Variants in PRKN observed in about 807,000 individuals in gnomAD.
PRKN encodes the protein parkin RBR E3 ubiquitin protein ligase.
A neutral mutation model predicts 59.5 loss-of-function variants in PRKN; 56 were observed. The observed-to-expected ratio is 0.94, with a 90% CI of 0.76 to 1.18. The LOEUF is 1.18. PRKN is among the 50% of genes most tolerant of loss of function. The pLI, the probability that PRKN is intolerant of heterozygous loss-of-function variation, is 0.00. For synonymous variants in PRKN, 250 were observed against 222.1 expected (o/e 1.13, Z -1.12); for missense variants, 657 against 596.4 (o/e 1.10, Z -1.06).
intron 3 of PRKN, among the ~76,000 whole-genome samples, chr6:162,205,962 C>G (rs949026332): frequency 1.3e-5 from 2 of 152,068 alleles, no homozygotes; most frequent in African/African-American, 4.8e-5. Context: ...ACTGACAACG[C>G]GGAGACTCAC....
chr6:161,521,782 C>A (rs1391691838), intron 9 of PRKN, among the ~76,000 whole-genome samples: 1 of 152,122 alleles, frequency 6.6e-6, no homozygotes, highest in Non-Finnish European at 1.5e-5. Flanking sequence ...GGGCCATAAA[C>A]AGCTTTCCCG....
chr6:162,257,043 A>G (rs923937333), intron 3 of PRKN, among the ~76,000 whole-genome samples: 3 of 152,222 alleles, frequency 2.0e-5, no homozygotes, highest in Non-Finnish European at 4.4e-5. Flanking sequence ...CAAAAGCACA[A>G]GGTAGACGGG....
chr6:162,133,230 G>A (rs1372905235), intron 4 of PRKN, among the ~76,000 whole-genome samples: 2 of 152,312 alleles, frequency 1.3e-5, no homozygotes, highest in East Asian at 3.9e-4. Flanking sequence ...CACCATGAGG[G>A]ATGATGGTGT....
chr6:161,366,294 G>A (rs1274375601), intron 10 of PRKN, among the ~76,000 whole-genome samples: 1 of 152,154 alleles, frequency 6.6e-6, no homozygotes, highest in Non-Finnish European at 1.5e-5. Context: ...GCCATGGGCA[G>A]CAGCGTGGGT....
chr6:162,610,726 A>G (rs1230383762), intron 1 of PRKN, among the ~76,000 whole-genome samples: 1 of 152,196 alleles, frequency 6.6e-6, no homozygotes, highest in African/African-American at 2.4e-5. Context: ...CTAGATTAGC[A>G]ATATTTCATG....
chr6:162,614,412 G>A (rs1782318748), intron 1 of PRKN, among the ~76,000 whole-genome samples: 1 of 151,980 alleles, frequency 6.6e-6, no homozygotes, highest in African/African-American at 2.4e-5. Flanking sequence ...TATTTTCATT[G>A]CCCTTGTAAA....
At chr6:161,465,217 T>C (rs1790406798) in intron 9 of PRKN, among the ~76,000 whole-genome samples, 1 of 152,216 alleles carries the variant, frequency 6.6e-6, no homozygotes, top group South Asian at 2.1e-4. Flanking sequence ...CTAGTTCTTT[T>C]TGAAAGGCGA....
At chr6:161,838,964 G>T (rs1311688851) in intron 6 of PRKN, among the ~76,000 whole-genome samples, 1 of 152,186 alleles carries the variant, frequency 6.6e-6, no homozygotes. Context: ...CCACCCAGGA[G>T]CCAATGTGTC....
intron 6 of PRKN, among the ~76,000 whole-genome samples, chr6:161,945,678 C>T (rs915944608): frequency 2.0e-5 from 3 of 152,202 alleles, no homozygotes; most frequent in Admixed American, 1.3e-4. Context: ...GATCTTTGCT[C>T]ATTCTTCACC....
Position 161,935,171 on chromosome 6 carries a change from C to T in PRKN, c.734+38131G>A, listed in dbSNP as rs370735914. Among the ~76,000 whole-genome samples the T allele has an allele frequency of 9.7e-4, 147 of 152,232 alleles. 1 individual carries two copies. The highest frequency in any genetic ancestry group is 3.4e-3 in the African/African-American group (141 of 41,556). On this transcript the variant is annotated intron_variant, in intron 6 of 11. Transcript: ENST00000366898. ...GAAAATGCATATTATAGAAAAACTACGCATGGATTCCAATTTTTGTGCCAA... is the reference window on the plus strand; with the variant it reads ...GAAAATGCATATTATAGAAAAACTATGCATGGATTCCAATTTTTGTGCCAA...
intron 9 of PRKN, among the ~76,000 whole-genome samples, chr6:161,494,103 T>A (rs1777655408): frequency 6.6e-6 from 1 of 152,240 alleles, no homozygotes; most frequent in African/African-American, 2.4e-5. Flanking sequence ...AGACACAGCC[T>A]ATACTTAGTT....
intron 1 of PRKN, among the ~76,000 whole-genome samples, chr6:162,651,043 G>C (rs1778409296): frequency 6.6e-6 from 1 of 152,180 alleles, no homozygotes; most frequent in South Asian, 2.1e-4. Flanking sequence ...AGATAGGATA[G>C]GCCAGAGCAG....
intron 5 of PRKN, among the ~76,000 whole-genome samples, chr6:162,010,507 TTATATTA>T (rs1782482751): frequency 2.9e-5 from 1 of 34,034 alleles, no homozygotes; most frequent in Non-Finnish European, 4.4e-5. Context: ...ATATAATATA[TTATATTA>T]TATATTATAT....
chr6:161,983,883 G>A lies in PRKN; in HGVS notation c.619-10466C>T, dbSNP rs1440656943. Among the ~76,000 whole-genome samples the A allele has an allele frequency of 2.0e-5, 3 of 147,790 alleles. 1 individual carries two copies. Among genetic ancestry groups the A allele is most frequent in the Non-Finnish European group, 4.5e-5 (3 of 67,262 alleles). ...TAACTAACCTGCACAATGTGCACAT[G>A]TACCCTAAAACTTAGAGTATAATAA... On this transcript the variant is annotated intron_variant, in intron 5 of 11. Transcript: ENST00000366898.
chr6:162,437,493 C>G (rs1583571474), intron 2 of PRKN, among the ~76,000 whole-genome samples: 1 of 152,120 alleles, frequency 6.6e-6, no homozygotes, highest in Admixed American at 6.5e-5. Flanking sequence ...TATAATTGTA[C>G]TATAAGCATT....
chr6:161,435,107 G>A (rs540589563), intron 9 of PRKN, among the ~76,000 whole-genome samples: 1 of 152,272 alleles, frequency 6.6e-6, no homozygotes, highest in East Asian at 1.9e-4. Flanking sequence ...CAGATCTGGT[G>A]AGACAGCATG....
At chr6:161,368,287 T>TTATATATATTTATATATATTTG (rs1312974681) in intron 10 of PRKN, among the ~76,000 whole-genome samples, 16 of 126,140 alleles carry the variant, frequency 1.3e-4, no homozygotes, top group South Asian at 4.4e-4. Context: ...ATGTATATAT[T>TTATATATATTTATATATATTTG]TATATATATT....
rs186453040 is a variant in PRKN, at chr6:162,398,363, T to A, written c.171+44947A>T. ...AACACAAATTTGCTGTTATAAAGAG[T>A]AAGACAACTTCAGCCAGATCTTTCT... On this transcript the variant is annotated intron_variant, in intron 2 of 11. Transcript: ENST00000366898. 2.9e-4 allele frequency among the ~76,000 whole-genome samples: 44 copies of A among 150,622 alleles called. No individual in the cohort carries two copies. The East Asian group carries it at 8.4e-3, about 29-fold the overall frequency.
intron 6 of PRKN, among the ~76,000 whole-genome samples, chr6:161,959,360 A>T (rs1031548525): frequency 6.6e-6 from 1 of 152,110 alleles, no homozygotes; most frequent in East Asian, 1.9e-4. Flanking sequence ...CCGACGGATA[A>T]GATAAACTCA....
Sources: gnomAD v4.1 joint callset for allele counts (sites outside exome capture counted in the v4.1 genomes callset) on GRCh38, gnomAD v4.1.1 for gene constraint, MANE v1.5 for transcripts, NCBI Gene and HGNC (gene_info 2026-07-23, HGNC 2026-07-21) for gene names.